MAN1A2: variants seen among roughly 807,000 people sequenced by gnomAD.
MAN1A2 encodes mannosyl-oligosaccharide 1,2-alpha-mannosidase IB.
In MAN1A2, 26 loss-of-function variants were observed where a neutral mutation model predicts 75.7. The ratio of observed to expected loss-of-function variants is 0.34; its 90% CI spans 0.25 to 0.48. MAN1A2 has a LOEUF of 0.48. Among genes scored for constraint, MAN1A2 ranks in the 20% least tolerant of loss-of-function variants. The pLI, the probability that MAN1A2 is intolerant of heterozygous loss-of-function variation, is 0.99. For synonymous variants in MAN1A2, 247 were observed against 264.6 expected, an observed-to-expected ratio of 0.93 and a Z score of 0.65; for missense variants, 562 against 775.5, an observed-to-expected ratio of 0.72 and a Z score of 3.27.
intron 5 of MAN1A2, among the ~76,000 whole-genome samples, chr1:117,438,684 T>C (rs921288595): frequency 1.3e-5 from 2 of 152,190 alleles, no homozygotes; most frequent in Non-Finnish European, 2.9e-5. Flanking sequence ...TATGTTTAGG[T>C]AAACAAATAC....
At chr1:117,401,742 T>TA (rs1355904262) in intron 1 of MAN1A2, among the ~76,000 whole-genome samples, 6 of 152,206 alleles carry the variant, frequency 3.9e-5, no homozygotes, top group African/African-American at 1.4e-4. Flanking sequence ...TTTGAAAACT[T>TA]AAAGGTTTTA....
rs575638363 is a variant in MAN1A2 at position 117,513,851 on chromosome 1, T to C, written c.1794-8974T>C. Among the ~76,000 whole-genome samples, 102 of 152,264 alleles carry C rather than the reference T, an allele frequency of 6.7e-4. 1 individual carries two copies. The highest frequency in any genetic ancestry group is 2.2e-3 in the African/African-American group (92 of 41,570). ...TTCTAGTTCTTCCTTTGCAAACAAT[T>C]TTACTAAGCAAGTTATTCTTGATAT... On this transcript the variant is annotated intron_variant, in intron 12 of 12. Coordinates refer to ENST00000356554, the MANE Select transcript of MAN1A2 (RefSeq NM_006699.5).
chr1:117,427,472 A>G (rs1030587941), intron 5 of MAN1A2, among the ~76,000 whole-genome samples: 3 of 152,230 alleles, frequency 2.0e-5, no homozygotes, highest in African/African-American at 7.2e-5. Flanking sequence ...AATATTTATT[A>G]AAAATGAATG....
chr1:117,424,126 G>T (rs1378869952), intron 5 of MAN1A2, among the ~76,000 whole-genome samples: 1 of 152,090 alleles, frequency 6.6e-6, no homozygotes, highest in Non-Finnish European at 1.5e-5. Context: ...AAACAATCAT[G>T]TCATTAGTAA....
chr1:117,396,467 AC>A (rs559291785), intron 1 of MAN1A2, among the ~76,000 whole-genome samples: 1 of 152,220 alleles, frequency 6.6e-6, no homozygotes, highest in Non-Finnish European at 1.5e-5. Context: ...AAAGTTAAAA[AC>A]AATCTTAAAA....
At position 117,527,545 on chromosome 1, in the gene MAN1A2, G is replaced by A. The variant is rs897952527; in HGVS notation, c.*4588G>A. ...TCTTGAAAGCAGATACACTCTTCCT[G>A]GAGTCTGTTCAGGTTTCAGGACGAT... On this transcript the variant is annotated 3_prime_UTR_variant, in exon 13 of 13. Coordinates refer to ENST00000356554, the MANE Select transcript of MAN1A2 (RefSeq NM_006699.5). The A allele has an allele frequency of 8.6e-5, 13 of 152,012 alleles. No homozygotes were observed. The highest frequency in any genetic ancestry group is 3.1e-4 in the African/African-American group (13 of 41,416). The allele number at this position is 152,012 out of a possible 1,614,324, so 9.4% of individuals were successfully genotyped here.
intron 1 of MAN1A2, among the ~76,000 whole-genome samples, chr1:117,390,143 G>T (rs553497991): frequency 1.6e-4 from 25 of 152,268 alleles, no homozygotes; most frequent in African/African-American, 5.8e-4. Context: ...TCAGAGTAAT[G>T]TTGGCCCCAT....
intron 9 of MAN1A2, chr1:117,493,493 A>T: frequency 3.0e-6 from 1 of 334,140 alleles, no homozygotes; most frequent in Non-Finnish European, 5.5e-6. Flanking sequence ...GAAAGAATTT[A>T]TTGTAGTCCA....
In MAN1A2 at chr1:117,525,715, C is replaced by CT. The variant is rs1207078451; in HGVS notation, c.*2763dup. The CT allele has an allele frequency of 6.6e-6, 1 of 151,678 alleles. No individual in the cohort carries two copies. The highest frequency in any genetic ancestry group is 1.5e-5 in the Non-Finnish European group (1 of 67,796). The allele number at this position is 151,678 out of a possible 1,614,324, so 9.4% of individuals were successfully genotyped here. A position where few individuals can be genotyped will look rare whatever the true frequency, so the allele number is the denominator to read the frequency against. On this transcript the variant is annotated 3_prime_UTR_variant, in exon 13 of 13. Coordinates refer to ENST00000356554, the MANE Select transcript of MAN1A2 (RefSeq NM_006699.5). ...TATTTCTCTTCATTTTAGAATCACA[C>CT]TTTTTATGTTAAACCAGATTATTAT...
intron 7 of MAN1A2, 99 bp downstream of exon 7, chr1:117,460,711 A>G (rs1649790952): frequency 7.9e-6 from 11 of 1,383,894 alleles, no homozygotes; most frequent in Non-Finnish European, 1.0e-5. Flanking sequence ...CTTTCTAGAT[A>G]TATGTTTATT....
At chr1:117,461,932 C>T (rs1331233687) in intron 7 of MAN1A2, among the ~76,000 whole-genome samples, 1 of 152,146 alleles carries the variant, frequency 6.6e-6, no homozygotes, top group South Asian at 2.1e-4. Flanking sequence ...GAAAAACACA[C>T]TGGCTGGATT....
At chr1:117,412,716 G>T (rs1223984530) in intron 3 of MAN1A2, among the ~76,000 whole-genome samples, 5 of 151,646 alleles carry the variant, frequency 3.3e-5, no homozygotes, top group Admixed American at 3.3e-4. Flanking sequence ...ATAGTGTTAG[G>T]CTTTTTCATT....
intron 1 of MAN1A2, among the ~76,000 whole-genome samples, chr1:117,397,243 T>G (rs1054235579): frequency 4.6e-5 from 7 of 152,134 alleles, no homozygotes; most frequent in Non-Finnish European, 8.8e-5. Context: ...ATCTATAGAT[T>G]ATTTAGATTT....
chr1:117,444,769 TCTCTA>T (rs1375797741), intron 6 of MAN1A2, among the ~76,000 whole-genome samples: 1 of 152,076 alleles, frequency 6.6e-6, no homozygotes, highest in African/African-American at 2.4e-5. Context: ...AATTCTCCTC[TCTCTA>T]CTCTTCTGTT....
intron 12 of MAN1A2, among the ~76,000 whole-genome samples, chr1:117,514,477 C>G (rs1651650971): frequency 6.6e-6 from 1 of 151,940 alleles, no homozygotes; most frequent in Non-Finnish European, 1.5e-5. Context: ...GTCGTATCCT[C>G]TCATAGTTTT....
chr1:117,520,745 A>G (rs1296419474), intron 12 of MAN1A2, among the ~76,000 whole-genome samples: 3 of 152,006 alleles, frequency 2.0e-5, no homozygotes, highest in Non-Finnish European at 4.4e-5. Context: ...CCATACTGCC[A>G]AAAGCAATCT....
chr1:117,399,743 C>A (rs1452564793), intron 1 of MAN1A2, among the ~76,000 whole-genome samples: 1 of 152,158 alleles, frequency 6.6e-6, no homozygotes, highest in Non-Finnish European at 1.5e-5. Context: ...TTCACAAATA[C>A]ATTTGAAGAC....
intron 1 of MAN1A2, among the ~76,000 whole-genome samples, chr1:117,390,760 CTCTT>C (rs1414192423): frequency 6.6e-6 from 1 of 151,698 alleles, no homozygotes; most frequent in Non-Finnish European, 1.5e-5. Flanking sequence ...CTATAATTCT[CTCTT>C]TAACTTTTCT....
intron 6 of MAN1A2, among the ~76,000 whole-genome samples, chr1:117,449,432 G>A (rs1649337985): frequency 6.6e-6 from 1 of 151,842 alleles, no homozygotes; most frequent in South Asian, 2.1e-4. Flanking sequence ...GGTGGTGTGT[G>A]CCTGTAGTAC....
Sources: allele counts gnomAD v4.1 joint callset (sites outside exome capture counted in the v4.1 genomes callset), GRCh38; gene constraint gnomAD v4.1.1; transcripts MANE v1.5; gene names NCBI Gene and HGNC (gene_info 2026-07-23, HGNC 2026-07-21).